The following CDYL2 variants were observed in gnomAD, a reference collection of about 807,000 sequenced individuals.
CDYL2 encodes the protein chromodomain Y like 2.
In CDYL2, 23 loss-of-function variants were observed where a neutral mutation model predicts 49.4. The observed-to-expected ratio is 0.47, with a 90% CI of 0.34 to 0.66. The LOEUF is 0.66. CDYL2 is among the 30% of genes least tolerant of loss of function. The pLI, the probability that CDYL2 is intolerant of heterozygous loss-of-function variation, is 0.01. For synonymous variants in CDYL2, 360 were observed against 268.8 expected (o/e 1.34, Z -3.32); for missense variants, 678 against 656.4 (o/e 1.03, Z -0.36).
chr16:80,672,848 T>C (rs1438765995), intron 2 of CDYL2, among the ~76,000 whole-genome samples: 1 of 152,168 alleles, frequency 6.6e-6, no homozygotes, highest in Non-Finnish European at 1.5e-5. Flanking sequence ...TAAATATCTG[T>C]TGTTGGTGCA....
At chr16:80,667,401 C>T (rs1909311556) in intron 2 of CDYL2, among the ~76,000 whole-genome samples, 1 of 152,196 alleles carries the variant, frequency 6.6e-6, no homozygotes, top group African/African-American at 2.4e-5. Context: ...GCTGTCATCA[C>T]CTCCTGACAT....
chr16:80,727,097 A>T (rs1219246167), intron 1 of CDYL2, among the ~76,000 whole-genome samples: 1 of 152,242 alleles, frequency 6.6e-6, no homozygotes, highest in Non-Finnish European at 1.5e-5. Flanking sequence ...CTGGGAGCCA[A>T]GATGGCCAAA....
intron 2 of CDYL2, among the ~76,000 whole-genome samples, chr16:80,664,107 T>C (rs1909161640): frequency 6.6e-6 from 1 of 152,192 alleles, no homozygotes; most frequent in South Asian, 2.1e-4. Flanking sequence ...TTAAAATTCA[T>C]TTTTATCACC....
At chr16:80,637,245 G>A (rs201035444) in intron 2 of CDYL2, among the ~76,000 whole-genome samples, 252 of 151,632 alleles carry the variant, frequency 1.7e-3, no homozygotes, top group African/African-American at 5.4e-3. Context: ...AGGGGGAAAC[G>A]AAAGGGACTT....
intron 1 of CDYL2, among the ~76,000 whole-genome samples, chr16:80,685,867 T>C (rs1910169000): frequency 6.6e-6 from 1 of 152,160 alleles, no homozygotes; most frequent in African/African-American, 2.4e-5. Context: ...CTCTCTTAAC[T>C]GCAAAAATCT....
intron 5 of CDYL2, among the ~76,000 whole-genome samples, chr16:80,611,434 G>T (rs1036181117): frequency 6.6e-6 from 1 of 152,174 alleles, no homozygotes; most frequent in Non-Finnish European, 1.5e-5. Flanking sequence ...CTGAACAGCA[G>T]AGGCTGCCTG....
chr16:80,644,003 T>C (rs1363153986), intron 2 of CDYL2, among the ~76,000 whole-genome samples: 1 of 152,240 alleles, frequency 6.6e-6, no homozygotes, highest in East Asian at 1.9e-4. Context: ...GTCTATCACA[T>C]TGTCAGGCTA....
At chr16:80,745,416 C>T (rs1179041755) in intron 1 of CDYL2, among the ~76,000 whole-genome samples, 1 of 152,206 alleles carries the variant, frequency 6.6e-6, no homozygotes, top group East Asian at 1.9e-4. Flanking sequence ...AGACTGGAAT[C>T]AAGAGTGCCC....
chr16:80,704,261 A>G (rs1904330691), intron 1 of CDYL2, among the ~76,000 whole-genome samples: 1 of 152,208 alleles, frequency 6.6e-6, no homozygotes, highest in Non-Finnish European at 1.5e-5. Context: ...ACACAGAAGC[A>G]CTTGGCAAAT....
In CDYL2 at chr16:80,599,342, G is replaced by C. The variant is rs1439111140; in HGVS notation, c.*5046C>G. On this transcript the variant is annotated 3_prime_UTR_variant, in exon 7 of 7. Coordinates refer to ENST00000570137, the MANE Select transcript of CDYL2 (RefSeq NM_152342.4). ...TGATAGCCCTGGACTACTTTATGTGGACAACCAAAAGGAATAATAATTTCT... is the reference window on the plus strand; with the variant it reads ...TGATAGCCCTGGACTACTTTATGTGCACAACCAAAAGGAATAATAATTTCT... 2 of 152,154 alleles carry C rather than the reference G, an allele frequency of 1.3e-5. No homozygotes were observed. Among genetic ancestry groups the C allele is most frequent in the African/African-American group, 4.8e-5 (2 of 41,428 alleles). 9.4% of individuals were successfully genotyped at this position (152,154 alleles called of 1,614,324 possible).
At chr16:80,766,447 G>C (rs1480896311) in intron 1 of CDYL2, among the ~76,000 whole-genome samples, 1 of 152,134 alleles carries the variant, frequency 6.6e-6, no homozygotes, top group Admixed American at 6.5e-5. Context: ...ATGCAGTGTT[G>C]ACCAATATTC....
intron 1 of CDYL2, among the ~76,000 whole-genome samples, chr16:80,754,412 T>G (rs7185227): frequency 0.36 from 54,600 of 152,010 alleles, 11,732 homozygotes; most frequent in African/African-American, 0.61. Flanking sequence ...CCTAACATCA[T>G]AAATTAGGAG....
At chr16:80,633,280 C>T (rs762217294) in intron 2 of CDYL2, 44 bp from the exon 3 acceptor site, 14 of 1,577,660 alleles carry the variant, frequency 8.9e-6, no homozygotes, top group East Asian at 2.2e-5. Context: ...AAATGGACCA[C>T]GATCCTAGAA....
At chr16:80,787,890 A>G (rs111365654) in intron 1 of CDYL2, among the ~76,000 whole-genome samples, 2 of 152,198 alleles carry the variant, frequency 1.3e-5, no homozygotes, top group Non-Finnish European at 2.9e-5. Context: ...GCATGCAGAC[A>G]TATTTGCTAG....
At chr16:80,618,387 C>T (rs1376037131) in intron 4 of CDYL2, among the ~76,000 whole-genome samples, 11 of 152,232 alleles carry the variant, frequency 7.2e-5, no homozygotes, top group African/African-American at 2.7e-4. Context: ...TACCACGCAG[C>T]AGACCCCAAT....
intron 1 of CDYL2, among the ~76,000 whole-genome samples, chr16:80,715,782 T>G (rs1904777030): frequency 6.6e-6 from 1 of 152,160 alleles, no homozygotes; most frequent in African/African-American, 2.4e-5. Flanking sequence ...CATCTCCTCC[T>G]CACTCTCTGC....
intron 2 of CDYL2, among the ~76,000 whole-genome samples, chr16:80,636,210 G>T (rs545250136): frequency 6.6e-6 from 1 of 152,236 alleles, no homozygotes; most frequent in Admixed American, 6.5e-5. Flanking sequence ...TGACAAATGG[G>T]ATCTAATTAA....
intron 1 of CDYL2, among the ~76,000 whole-genome samples, chr16:80,727,082 A>G (rs1905187512): frequency 6.6e-6 from 1 of 152,208 alleles, no homozygotes; most frequent in Admixed American, 6.5e-5. Flanking sequence ...AAAGAAAAAA[A>G]AGTTCTGGGA....
intron 6 of CDYL2, among the ~76,000 whole-genome samples, chr16:80,606,514 C>G (rs1906340733): frequency 6.6e-6 from 1 of 152,174 alleles, no homozygotes; most frequent in African/African-American, 2.4e-5. Flanking sequence ...TGACTGCACA[C>G]TGCTGCCTAC....
Sources: gnomAD v4.1 joint callset for allele counts (sites outside exome capture counted in the v4.1 genomes callset) on GRCh38, gnomAD v4.1.1 for gene constraint, MANE v1.5 for transcripts, NCBI Gene and HGNC (gene_info 2026-07-23, HGNC 2026-07-21) for gene names.